ZFR: variants seen among roughly 807,000 people sequenced by gnomAD.
ZFR encodes the protein zinc finger RNA-binding protein.
In ZFR, 19 loss-of-function variants were observed where a neutral mutation model predicts 130.7. The ratio of observed to expected loss-of-function variants is 0.15; its 90% CI spans 0.10 to 0.21. ZFR has a LOEUF of 0.21. Among genes scored for constraint, ZFR ranks in the 10% least tolerant of loss-of-function variants. The pLI is 1.00. For synonymous variants in ZFR, 466 were observed against 456.9 expected (o/e 1.02, Z -0.25); for missense variants, 872 against 1,321.5 (o/e 0.66, Z 5.27).
chr5:32,408,854 T>C (rs1200762589), intron 5 of ZFR, among the ~76,000 whole-genome samples: 5 of 152,238 alleles, frequency 3.3e-5, no homozygotes, highest in African/African-American at 7.2e-5. Flanking sequence ...CTTTCTATCT[T>C]AAAACTTTAT....
At chr5:32,379,827 T>TAAAAATA in intron 16 of ZFR, 1 of 341,246 alleles carries the variant, frequency 2.9e-6, no homozygotes, top group Non-Finnish European at 5.4e-6. Context: ...ATATAGCCAC[T>TAAAAATA]AAAAATAAAA....
At chr5:32,411,706 T>G (rs76985793) in intron 5 of ZFR, among the ~76,000 whole-genome samples, 1 of 16,684 alleles carries the variant, frequency 6.0e-5, no homozygotes, top group Non-Finnish European at 1.1e-4. Context: ...AAAAAAAAAA[T>G]TGAGGGGGGG....
chr5:32,422,734 A>G (rs1197427677), intron 2 of ZFR, among the ~76,000 whole-genome samples: 5 of 132,758 alleles, frequency 3.8e-5, no homozygotes, highest in African/African-American at 1.4e-4. Flanking sequence ...GAGGAGGTTG[A>G]GGCTACGGTG....
chr5:32,428,486 A>G (rs1754125135), intron 2 of ZFR, among the ~76,000 whole-genome samples: 4 of 152,212 alleles, frequency 2.6e-5, no homozygotes, highest in Admixed American at 2.0e-4. Flanking sequence ...AGACAGGAGG[A>G]TCACTTGAGC....
intron 2 of ZFR, among the ~76,000 whole-genome samples, chr5:32,434,329 T>C (rs148474235): frequency 2.7e-4 from 41 of 152,330 alleles, no homozygotes; most frequent in African/African-American, 9.1e-4. Context: ...AACATTATCA[T>C]TGGTCTAGAG....
At chr5:32,430,100 A>AAAAC (rs1754169778) in intron 2 of ZFR, among the ~76,000 whole-genome samples, 9 of 151,092 alleles carry the variant, frequency 6.0e-5, no homozygotes, top group Admixed American at 5.9e-4. Flanking sequence ...AAAAAAAAAA[A>AAAAC]ATCACGATAA....
intron 15 of ZFR, chr5:32,383,787 A>G (rs1324897170): frequency 2.2e-6 from 1 of 456,612 alleles, no homozygotes; most frequent in Non-Finnish European, 4.4e-6. Flanking sequence ...GAAAGAAGCA[A>G]TCTTCATAAT....
intron 2 of ZFR, 138 bp from the exon 3 acceptor site, chr5:32,420,241 C>T (rs1335744536): frequency 7.4e-6 from 7 of 946,690 alleles, no homozygotes; most frequent in Non-Finnish European, 1.0e-5. Flanking sequence ...AGGTCAAGTA[C>T]TTGAACTCAA....
intron 4 of ZFR, among the ~76,000 whole-genome samples, chr5:32,416,920 T>TC (rs1554073770): frequency 1.3e-5 from 2 of 151,424 alleles, no homozygotes; most frequent in South Asian, 4.2e-4. Context: ...TTTTCTTTTT[T>TC]TTTTTATTAT....
chr5:32,358,553 G>A lies in ZFR; in HGVS notation c.3046-2614C>T, dbSNP rs139867536. 6.8e-4 allele frequency among the ~76,000 whole-genome samples: 104 copies of A among 152,122 alleles called. 1 individual carries two copies. In the East Asian group the frequency reaches 0.02, roughly 29 times the overall value. ...CGGGTGCCTATAGTCCCAGCTACTCGGGAGGCAGAGGCAGAATGGCATGAA... is the reference window on the plus strand; with the variant it reads ...CGGGTGCCTATAGTCCCAGCTACTCAGGAGGCAGAGGCAGAATGGCATGAA... On this transcript the variant is annotated intron_variant, in intron 19 of 19. Transcript: ENST00000265069.
At chr5:32,430,998 C>T (rs768287426) in intron 2 of ZFR, among the ~76,000 whole-genome samples, 1 of 152,044 alleles carries the variant, frequency 6.6e-6, no homozygotes, top group Admixed American at 6.6e-5. Context: ...CTGCTTGAGC[C>T]CGGGAGGTTG....
intron 17 of ZFR, among the ~76,000 whole-genome samples, chr5:32,377,841 G>A (rs528077024): frequency 4.6e-5 from 7 of 152,078 alleles, no homozygotes; most frequent in South Asian, 2.1e-4. Flanking sequence ...ACAGGTGCCC[G>A]CCACCATGCC....
intron 11 of ZFR, among the ~76,000 whole-genome samples, chr5:32,391,470 G>A (rs1753174075): frequency 6.6e-6 from 1 of 151,310 alleles, no homozygotes; most frequent in Non-Finnish European, 1.5e-5. Context: ...AACTCAGAAT[G>A]TGGGCAGCTA....
chr5:32,444,667 G>A lies in ZFR; in HGVS notation c.-9C>T, dbSNP rs1754566661. On this transcript the variant is annotated 5_prime_UTR_variant, in exon 1 of 20. Coordinates refer to ENST00000265069, the MANE Select transcript of ZFR (RefSeq NM_016107.5). ...GGGCATATGGGAATCATGGGCTCGG[G>A]CTGCTGCTGCTGAACTCTGAACTCT... 1 of 1,508,486 alleles carries A rather than the reference G, an allele frequency of 6.6e-7. No homozygotes were observed. The allele number at this position is 1,508,486 out of a possible 1,614,324, so 93.4% of individuals were successfully genotyped here.
chr5:32,397,727 T>C (rs571229901), intron 9 of ZFR, among the ~76,000 whole-genome samples: 1 of 152,158 alleles, frequency 6.6e-6, no homozygotes, highest in South Asian at 2.1e-4. Flanking sequence ...AGTGCTGGGA[T>C]TACAGGCATG....
In ZFR at chr5:32,395,168, ATTC is replaced by A; in HGVS notation, c.1967_1969del (p.Arg656del). The A allele has an allele frequency of 6.3e-7, 1 of 1,594,036 alleles. No individual in the cohort carries two copies. The highest frequency in any genetic ancestry group is 8.5e-7 in the Non-Finnish European group (1 of 1,172,262). Reference sequence around the variant, plus strand: ...AAGTTAAAGATATTACCTCATTTCCATTCTCCAACGCTCCTCTTCTTCTCGTCT... The same window carrying A: ...AAGTTAAAGATATTACCTCATTTCCATCCAACGCTCCTCTTCTTCTCGTCT... On this transcript the variant is annotated inframe_deletion, in exon 11 of 20. Transcript: ENST00000265069.
At chr5:32,410,682 CA>C (rs1024288842) in intron 5 of ZFR, among the ~76,000 whole-genome samples, 2 of 151,464 alleles carry the variant, frequency 1.3e-5, no homozygotes, top group African/African-American at 2.4e-5. Flanking sequence ...ATACCAGAAA[CA>C]AAAAAAATTA....
intron 2 of ZFR, among the ~76,000 whole-genome samples, chr5:32,435,913 T>C (rs904012319): frequency 3.3e-5 from 5 of 152,190 alleles, no homozygotes; most frequent in Non-Finnish European, 5.9e-5. Context: ...GCTATTTTTT[T>C]CTGTAGCTCC....
At chr5:32,373,261 T>G (rs1441015976) in intron 17 of ZFR, among the ~76,000 whole-genome samples, 1 of 152,002 alleles carries the variant, frequency 6.6e-6, no homozygotes, top group African/African-American at 2.4e-5. Context: ...GGCGTGGTGG[T>G]GCATGCCTGT....
Sources: gnomAD v4.1 joint callset for allele counts (sites outside exome capture counted in the v4.1 genomes callset) on GRCh38, gnomAD v4.1.1 for gene constraint, MANE v1.5 for transcripts, NCBI Gene and HGNC (gene_info 2026-07-23, HGNC 2026-07-21) for gene names.